Variants in PI4KA observed in about 807,000 individuals in gnomAD.
PI4KA encodes the protein phosphatidylinositol 4-kinase alpha.
Under a neutral mutation model 271.4 loss-of-function variants are expected in PI4KA, and 122 were observed. The ratio of observed to expected loss-of-function variants is 0.45; its 90% CI spans 0.39 to 0.52. The LOEUF (loss-of-function observed/expected upper bound fraction) is 0.52. Ranked by LOEUF, PI4KA falls within the 20% of genes least tolerant of loss-of-function variation. The pLI, the probability that PI4KA is intolerant of heterozygous loss-of-function variation, is 0.00. For missense variants in PI4KA, 1,969 were observed against 2,769.1 expected (o/e 0.71, Z 6.48); for synonymous variants, 1,041 against 1,078.8 (o/e 0.96, Z 0.69).
intron 44 of PI4KA, 37 bp from the exon 45 acceptor site, chr22:20,717,815 G>A (rs2147191345): frequency 5.4e-6 from 8 of 1,477,830 alleles, no homozygotes; most frequent in South Asian, 4.9e-5. Flanking sequence ...TTTGTCTCCT[G>A]GAGGAACTGG....
intron 19 of PI4KA, among the ~76,000 whole-genome samples, chr22:20,785,278 C>G (rs1226818757): frequency 1.3e-5 from 2 of 152,170 alleles, no homozygotes; most frequent in South Asian, 4.1e-4. Context: ...CTGTGTTGCC[C>G]AGGCTGGTCT....
intron 19 of PI4KA, chr22:20,779,293 C>T: frequency 1.2e-6 from 2 of 1,614,038 alleles, no homozygotes; most frequent in Non-Finnish European, 8.5e-7. Context: ...GTTTTCCCTC[C>T]CAGCTTTAGC....
chr22:20,818,477 G>C lies in PI4KA; in HGVS notation c.856+6C>G, dbSNP rs769749199. The C allele has an allele frequency of 1.7e-5, 27 of 1,578,900 alleles. No homozygotes were observed. Among genetic ancestry groups the C allele is most frequent in the Non-Finnish European group, 2.3e-5 (27 of 1,164,456 alleles). On this transcript the variant is annotated splice_donor_region_variant and intron_variant, in intron 7 of 54. Transcript: ENST00000255882. Reference sequence around the variant, plus strand: ...TCAAAATATTCTTCGGAAAGGTGAAGCCCACCTTCAAAGTAGTGAAAGGCA... The same window carrying C: ...TCAAAATATTCTTCGGAAAGGTGAACCCCACCTTCAAAGTAGTGAAAGGCA...
intron 43 of PI4KA, among the ~76,000 whole-genome samples, chr22:20,719,275 T>C (rs1601326558): frequency 1.3e-5 from 2 of 151,696 alleles, no homozygotes; most frequent in Admixed American, 1.3e-4. Flanking sequence ...AGGCACACAG[T>C]GGGCGGGGCT....
chr22:20,832,726 A>T (rs553143303), intron 3 of PI4KA, among the ~76,000 whole-genome samples: 232 of 152,338 alleles, frequency 1.5e-3, no homozygotes, highest in Non-Finnish European at 3.0e-3. Flanking sequence ...AAGTGCAGAG[A>T]TTACAGGTGT....
chr22:20,739,071 C>T lies in PI4KA; in HGVS notation c.3741+3157G>A, dbSNP rs535935845. Among the ~76,000 whole-genome samples the T allele has an allele frequency of 3.3e-4, 49 of 148,880 alleles. No homozygotes were observed. The East Asian group carries it at 7.6e-3, about 23-fold the overall frequency. On this transcript the variant is annotated intron_variant, in intron 32 of 54. Transcript: ENST00000255882. ...AAAAAAAAAAAAGCAACTGGCTGGG[C>T]GCAGTGGCTCACGCCTAAAATCCCA...
At chr22:20,748,190 T>G (rs187999300) in intron 28 of PI4KA, among the ~76,000 whole-genome samples, 9 of 152,232 alleles carry the variant, frequency 5.9e-5, no homozygotes, top group Non-Finnish European at 1.3e-4. Flanking sequence ...TACTGCTCAT[T>G]TGACTGAGGA....
In PI4KA at chr22:20,826,452, T is replaced by C. The variant is rs545489585; in HGVS notation, c.368-2038A>G. On this transcript the variant is annotated intron_variant, in intron 3 of 54. Coordinates refer to ENST00000255882, the MANE Select transcript of PI4KA (RefSeq NM_058004.4). ...ACATTTTCTTTATCCAGTCTTCCAC[T>C]GATGGGCATTTAGGTTGATTCCTTA... Among the ~76,000 whole-genome samples, 3 of 152,356 alleles carry C rather than the reference T, an allele frequency of 2.0e-5. No individual in the cohort carries two copies. In the South Asian group the frequency reaches 6.2e-4, roughly 32 times the overall value.
chr22:20,713,882 C>T (rs1459942717), intron 47 of PI4KA, among the ~76,000 whole-genome samples: 1 of 152,190 alleles, frequency 6.6e-6, no homozygotes, highest in African/African-American at 2.4e-5. Flanking sequence ...TAAAATGTGT[C>T]CTTATTTGGA....
intron 3 of PI4KA, among the ~76,000 whole-genome samples, chr22:20,832,218 C>T (rs1321446864): frequency 6.7e-6 from 1 of 150,266 alleles, no homozygotes; most frequent in Non-Finnish European, 1.5e-5. Flanking sequence ...CGGGTTCAAG[C>T]GATTCTCCTG....
chr22:20,814,277 G>A (rs1448761536), intron 7 of PI4KA, among the ~76,000 whole-genome samples: 1 of 152,140 alleles, frequency 6.6e-6, no homozygotes, highest in Non-Finnish European at 1.5e-5. Context: ...CCACTTATTA[G>A]AGGAACTTAA....
intron 23 of PI4KA, among the ~76,000 whole-genome samples, chr22:20,760,338 T>C (rs556793488): frequency 2.0e-5 from 3 of 152,318 alleles, no homozygotes; most frequent in Admixed American, 6.5e-5. Flanking sequence ...TATTTTAAAT[T>C]TTTGATTTTA....
chr22:20,835,857 GC>G (rs2147767449), intron 2 of PI4KA, among the ~76,000 whole-genome samples: 1 of 152,136 alleles, frequency 6.6e-6, no homozygotes, highest in Admixed American at 6.6e-5. Flanking sequence ...GACCATCCTG[GC>G]CAATATGGTG....
rs111401881 is a variant in PI4KA at position 20,773,386 on chromosome 22, AAAAC to A, written c.2329-7697_2329-7694del. Among the ~76,000 whole-genome samples the A allele has an allele frequency of 1.2e-3, 189 of 152,200 alleles. 1 individual carries two copies. Among genetic ancestry groups the A allele is most frequent in the Middle Eastern group, 3.4e-3 (1 of 294 alleles). ...GGGCAGCAGCGCGAAACTCTGTCTC[AAAAC>A]AAACAAACAAACAAACAAACACCCA... On this transcript the variant is annotated intron_variant, in intron 19 of 54. Transcript: ENST00000255882.
At chr22:20,710,071 G>A in intron 52 of PI4KA, 74 bp from the exon 53 acceptor site, 1 of 796,228 alleles carries the variant, frequency 1.3e-6, no homozygotes, top group East Asian at 2.5e-5. Flanking sequence ...CCTGTGGACT[G>A]GCTGATGCCA....
chr22:20,779,286 T>G, intron 19 of PI4KA: 1 of 1,613,902 alleles, frequency 6.2e-7, no homozygotes, highest in African/African-American at 1.3e-5. Flanking sequence ...GTGTTCTGTT[T>G]TCCCTCCCAG....
chr22:20,850,000 C>A (rs1329994755), intron 1 of PI4KA, among the ~76,000 whole-genome samples: 1 of 152,100 alleles, frequency 6.6e-6, no homozygotes, highest in African/African-American at 2.4e-5. Context: ...TGCAGGGTAA[C>A]AGCAAGGTTT....
intron 2 of PI4KA, among the ~76,000 whole-genome samples, chr22:20,834,897 C>G (rs1924663039): frequency 6.6e-6 from 1 of 152,208 alleles, no homozygotes; most frequent in South Asian, 2.1e-4. Flanking sequence ...GGGTTCGCAC[C>G]TGCCTTCTGG....
chr22:20,767,496 T>C (rs1371238094), intron 19 of PI4KA, among the ~76,000 whole-genome samples: 2 of 151,982 alleles, frequency 1.3e-5, no homozygotes, highest in Non-Finnish European at 2.9e-5. Flanking sequence ...GGTCTCACTC[T>C]GTTACCCAGG....
Sources: gnomAD v4.1 joint callset for allele counts (sites outside exome capture counted in the v4.1 genomes callset) on GRCh38, gnomAD v4.1.1 for gene constraint, MANE v1.5 for transcripts, NCBI Gene and HGNC (gene_info 2026-07-23, HGNC 2026-07-21) for gene names.